Variants in SYCP1 observed in about 807,000 individuals in gnomAD.
SYCP1 encodes the protein cancer/testis antigen 8.
In SYCP1, 64 loss-of-function variants were observed where a neutral mutation model predicts 153.1. The observed-to-expected ratio is 0.42, with a 90% CI of 0.34 to 0.51. The LOEUF (loss-of-function observed/expected upper bound fraction) is 0.51. Ranked by LOEUF, SYCP1 falls within the 20% of genes least tolerant of loss-of-function variation. The pLI is 0.06. For missense variants in SYCP1, 997 were observed against 1,049.0 expected (o/e 0.95, Z 0.68); for synonymous variants, 384 against 341.8 (o/e 1.12, Z -1.36).
At chr1:114,885,890 A>T (rs1254044070) in intron 13 of SYCP1, among the ~76,000 whole-genome samples, 1 of 152,226 alleles carries the variant, frequency 6.6e-6, no homozygotes, top group Non-Finnish European at 1.5e-5. Context: ...TTGAAAGAAC[A>T]GTATGGCTGG....
intron 23 of SYCP1, among the ~76,000 whole-genome samples, chr1:114,940,969 A>G (rs1193617563): frequency 6.6e-6 from 1 of 152,034 alleles, no homozygotes; most frequent in Non-Finnish European, 1.5e-5. Context: ...TTGGGTGTAC[A>G]TTATTTTGAA....
chr1:114,936,043 C>A (rs1252857187), intron 23 of SYCP1, among the ~76,000 whole-genome samples: 1 of 151,772 alleles, frequency 6.6e-6, no homozygotes, highest in African/African-American at 2.4e-5. Context: ...TCCTCCCTAA[C>A]TCATTTTATG....
chr1:114,972,458 T>C (rs906727037), intron 27 of SYCP1, among the ~76,000 whole-genome samples: 1 of 152,156 alleles, frequency 6.6e-6, no homozygotes, highest in Non-Finnish European at 1.5e-5. Flanking sequence ...ACTTTGGGTT[T>C]GGTTTGCTCA....
intron 22 of SYCP1, 23 bp downstream of exon 22, chr1:114,926,363 C>A (rs1669248178): frequency 6.6e-7 from 1 of 1,513,176 alleles, no homozygotes; most frequent in South Asian, 1.3e-5. Context: ...TATAAATATT[C>A]TCAAAATCAA....
In SYCP1 at chr1:114,937,333, G is replaced by A. The variant is rs1487378766; in HGVS notation, c.1927-7006G>A. Among the ~76,000 whole-genome samples, 3 of 152,140 alleles carry A rather than the reference G, an allele frequency of 2.0e-5. No individual in the cohort carries two copies. In the East Asian group the frequency reaches 5.8e-4, roughly 29 times the overall value. ...TTAATAAATGGTGCTTGGAAAACTGGCTAGCCATATGTAGAAAGCTGAAAC... is the reference window on the plus strand; with the variant it reads ...TTAATAAATGGTGCTTGGAAAACTGACTAGCCATATGTAGAAAGCTGAAAC... On this transcript the variant is annotated intron_variant, in intron 23 of 31. Coordinates refer to ENST00000369522, the MANE Select transcript of SYCP1 (RefSeq NM_003176.4).
Position 114,946,369 on chromosome 1 carries a change from G to A in SYCP1, c.2235G>A (p.Leu745=). ...GCAAAGAACAAGAACAGTCATCACTGAGAGCATCTTTGGTGAGATACAGAA... is the reference window on the plus strand; with the variant it reads ...GCAAAGAACAAGAACAGTCATCACTAAGAGCATCTTTGGTGAGATACAGAA... The part of the protein sequence containing the change: ...YKSKEQEQSS[L]RASLEIELSN... Residue 745 remains leucine, a synonymous_variant, in exon 26 of 32, where the codon CTG becomes CTA. Coordinates refer to ENST00000369522, the MANE Select transcript of SYCP1 (RefSeq NM_003176.4). The A allele has an allele frequency of 6.3e-7, 1 of 1,585,110 alleles. No individual in the cohort carries two copies. The highest frequency in any genetic ancestry group is 8.6e-7 in the Non-Finnish European group (1 of 1,168,588).
intron 15 of SYCP1, among the ~76,000 whole-genome samples, chr1:114,889,323 T>C (rs1236760049): frequency 6.6e-6 from 1 of 152,162 alleles, no homozygotes; most frequent in African/African-American, 2.4e-5. Context: ...CTCCCAACAG[T>C]GTAAAAGCAT....
chr1:114,939,050 C>T (rs1290750292), intron 23 of SYCP1, among the ~76,000 whole-genome samples: 7 of 152,122 alleles, frequency 4.6e-5, no homozygotes, highest in Non-Finnish European at 8.8e-5. Flanking sequence ...ACTAATTTCA[C>T]TTCTAGATAT....
intron 15 of SYCP1, among the ~76,000 whole-genome samples, chr1:114,895,208 C>A (rs1250380656): frequency 6.6e-6 from 1 of 151,940 alleles, no homozygotes; most frequent in African/African-American, 2.4e-5. Context: ...GCTTATTTTG[C>A]TTTATGAACT....
intron 9 of SYCP1, among the ~76,000 whole-genome samples, chr1:114,874,929 C>A (rs1170421369): frequency 1.3e-5 from 2 of 152,100 alleles, no homozygotes; most frequent in Non-Finnish European, 2.9e-5. Context: ...CTTTGCTTTT[C>A]TGCTGTAGTC....
intron 16 of SYCP1, among the ~76,000 whole-genome samples, chr1:114,909,732 G>A (rs1401359829): frequency 6.6e-6 from 1 of 152,100 alleles, no homozygotes; most frequent in Non-Finnish European, 1.5e-5. Context: ...AGCATCTAGT[G>A]AGGGCTGGTC....
rs1204093224 is a variant in SYCP1, at chr1:114,895,489, G to A, written c.1300G>A (p.Glu434Lys). The stretch of plus-strand genomic sequence containing the variant: ...TACAAATAACAAAGAAGTAGAACTT[G>A]AAGAATTGAAAAAAGTCTTGGTAAG... ...KLTNNKEVELEELKKVLGEKE... is the reference protein window; with the variant it reads ...KLTNNKEVELKELKKVLGEKE... Residue 434 changes from glutamate (E) to lysine (K), a missense_variant, in exon 16 of 32, where the codon GAA (glutamate) becomes AAA (lysine). By Grantham distance (56) the Glu-to-Lys change is moderately conservative. Transcript: ENST00000369522. The A allele has an allele frequency of 1.3e-6, 2 of 1,519,458 alleles. No homozygotes were observed. Among genetic ancestry groups the A allele is most frequent in the Non-Finnish European group, 1.8e-6 (2 of 1,116,952 alleles). The allele number at this position is 1,519,458 out of a possible 1,614,324, so 94.1% of individuals were successfully genotyped here.
chr1:114,977,727 C>A (rs763944927), intron 28 of SYCP1, 111 bp downstream of exon 28: 16 of 640,542 alleles, frequency 2.5e-5, no homozygotes, highest in Middle Eastern at 3.7e-4. Context: ...ATATATCATA[C>A]AATTTCATTT....
chr1:114,895,610 T>C (rs932888980), intron 16 of SYCP1, 101 bp downstream of exon 16: 2 of 564,908 alleles, frequency 3.5e-6, no homozygotes, highest in Admixed American at 8.4e-5. Flanking sequence ...TTTATACTAA[T>C]TTTTTCAGCT....
At chr1:114,970,430 T>C (rs1476276628) in intron 27 of SYCP1, among the ~76,000 whole-genome samples, 1 of 152,228 alleles carries the variant, frequency 6.6e-6, no homozygotes, top group Non-Finnish European at 1.5e-5. Context: ...AGATTTCTCC[T>C]TGGTTTTGAT....
intron 12 of SYCP1, among the ~76,000 whole-genome samples, chr1:114,884,200 C>T (rs751411462): frequency 1.1e-4 from 17 of 152,154 alleles, no homozygotes; most frequent in Non-Finnish European, 2.4e-4. Flanking sequence ...GTCCTTGTTA[C>T]GTTTCCAATC....
In SYCP1 at chr1:114,873,031, CTTTAAATTGCTTATCTA is replaced by C. The variant is rs368339307; in HGVS notation, c.599-1472_599-1456del. ...TCATTCTTAGAATTTTCACCTATCT[CTTTAAATTGCTTATCTA>C]TTCTTGCGTGATGTCTACTTTATGT... On this transcript the variant is annotated intron_variant, in intron 8 of 31. Coordinates refer to ENST00000369522, the MANE Select transcript of SYCP1 (RefSeq NM_003176.4). 6.0e-3 allele frequency among the ~76,000 whole-genome samples: 907 copies of C among 152,216 alleles called. 8 individuals carry two copies. Among genetic ancestry groups the C allele is most frequent in the African/African-American group, 0.021 (885 of 41,532 alleles).
intron 29 of SYCP1, among the ~76,000 whole-genome samples, chr1:114,983,354 C>T (rs1353199369): frequency 6.6e-6 from 1 of 151,946 alleles, no homozygotes; most frequent in Non-Finnish European, 1.5e-5. Context: ...ATCACTGCTT[C>T]ACGTTGCTGC....
chr1:114,981,174 G>A (rs1052023357), intron 28 of SYCP1, among the ~76,000 whole-genome samples, 162 bp from the exon 29 acceptor site: 9 of 151,966 alleles, frequency 5.9e-5, no homozygotes, highest in African/African-American at 1.9e-4. Context: ...TGACAAAGAA[G>A]ATAACTGTAA....
Sources: allele counts gnomAD v4.1 joint callset (sites outside exome capture counted in the v4.1 genomes callset), GRCh38; gene constraint gnomAD v4.1.1; transcripts MANE v1.5; gene names NCBI Gene and HGNC (gene_info 2026-07-23, HGNC 2026-07-21).